SCFD2: variants seen among roughly 807,000 people sequenced by gnomAD.
The protein encoded by SCFD2 is sec1 family domain-containing protein 2.
Under a neutral mutation model 58.9 loss-of-function variants are expected in SCFD2, and 54 were observed. The ratio of observed to expected loss-of-function variants is 0.92; its 90% CI spans 0.74 to 1.15. SCFD2 has a LOEUF of 1.15. Among genes scored for constraint, SCFD2 ranks in the 50% most tolerant of loss-of-function variants. The pLI is 0.00. For synonymous variants in SCFD2, 321 were observed against 335.9 expected, an observed-to-expected ratio of 0.96 and a Z score of 0.49; for missense variants, 805 against 836.6, an observed-to-expected ratio of 0.96 and a Z score of 0.47.
chr4:53,060,044 A>T (rs1221026616), intron 5 of SCFD2, among the ~76,000 whole-genome samples: 1 of 152,136 alleles, frequency 6.6e-6, no homozygotes, highest in African/African-American at 2.4e-5. Context: ...TCATGTGCTT[A>T]CTACTGGGAA....
At chr4:53,026,843 G>A (rs889022558) in intron 5 of SCFD2, among the ~76,000 whole-genome samples, 2 of 152,118 alleles carry the variant, frequency 1.3e-5, no homozygotes, top group African/African-American at 4.8e-5. Flanking sequence ...TTCTTAAAAG[G>A]AAAAGGCAAG....
intron 5 of SCFD2, among the ~76,000 whole-genome samples, chr4:53,085,563 C>T (rs543272724): frequency 2.6e-5 from 4 of 152,144 alleles, no homozygotes; most frequent in African/African-American, 9.6e-5. Context: ...CCACAAAAGA[C>T]CAAGAATAGC....
rs1216638081 is a variant in SCFD2, at chr4:53,365,923, G to C, written c.19C>G (p.Leu7Val). The C allele has an allele frequency of 6.5e-7, 1 of 1,546,682 alleles. No homozygotes were observed. Among genetic ancestry groups the C allele is most frequent in the Non-Finnish European group, 8.7e-7 (1 of 1,150,092 alleles). MSASGV[L>V]SFTQQGWEQV... is the part of the protein sequence containing the mutation. ...TCCCATCCTTGCTGGGTAAAGGACA[G>C]TACGCCCGAGGCGCTCATGGTTGGG... Residue 7 changes from leucine to valine, a missense_variant, in exon 1 of 9, where the codon CTG becomes GTG. This residue lies in a region of SCFD2 where 155 missense variants were observed against 149.7 expected (regional missense o/e 1.04). Transcript: ENST00000401642. This position sits in a 1 kb window ranked among gnomAD's most constrained non-coding sequence, Gnocchi z 4.3.
At chr4:52,878,098 C>T (rs150072121) in intron 8 of SCFD2, among the ~76,000 whole-genome samples, 63 of 152,306 alleles carry the variant, frequency 4.1e-4, no homozygotes, top group African/African-American at 1.3e-3. Flanking sequence ...CTTCCCAGAC[C>T]ACCCCTCCCG....
intron 2 of SCFD2, among the ~76,000 whole-genome samples, chr4:53,314,336 A>G (rs985466333): frequency 6.6e-6 from 1 of 152,176 alleles, no homozygotes; most frequent in African/African-American, 2.4e-5. Context: ...GGTTGGAAGG[A>G]TGGTACTTAC....
At chr4:53,361,004 A>T (rs1345135205) in intron 1 of SCFD2, among the ~76,000 whole-genome samples, 3 of 152,168 alleles carry the variant, frequency 2.0e-5, no homozygotes, top group Non-Finnish European at 2.9e-5. Context: ...TCAACATTAA[A>T]TATTGTTTCA....
chr4:52,914,886 G>C (rs1262919365), intron 6 of SCFD2, among the ~76,000 whole-genome samples: 1 of 152,110 alleles, frequency 6.6e-6, no homozygotes, highest in Non-Finnish European at 1.5e-5. Flanking sequence ...GCTTGGTAGA[G>C]CTTAAAGAGA....
Position 53,093,747 on chromosome 4 carries a change from G to A in SCFD2, c.1561+51586C>T, listed in dbSNP as rs1724537979. The stretch of plus-strand genomic sequence containing the variant: ...CAATGCTATGATTTGTATTTTAAAA[G>A]GTAATAGAAAAAAAATATGTATTTG... On this transcript the variant is annotated intron_variant, in intron 5 of 8. Coordinates refer to ENST00000401642, the MANE Select transcript of SCFD2 (RefSeq NM_152540.4). Among the ~76,000 whole-genome samples the A allele has an allele frequency of 4.3e-5, 4 of 93,190 alleles. No individual in the cohort carries two copies. The South Asian group carries it at 1.4e-3, about 32-fold the overall frequency. 61.1% of individuals were successfully genotyped at this position (93,190 alleles called of 152,430 possible).
At chr4:53,245,259 G>C (rs1489828587) in intron 4 of SCFD2, among the ~76,000 whole-genome samples, 3 of 151,802 alleles carry the variant, frequency 2.0e-5, no homozygotes, top group Admixed American at 2.0e-4. Context: ...CAGTCCATGA[G>C]GCCCGAATTA....
chr4:53,271,766 C>A (rs1254743955), intron 4 of SCFD2, among the ~76,000 whole-genome samples: 1 of 151,972 alleles, frequency 6.6e-6, no homozygotes, highest in African/African-American at 2.4e-5. Context: ...CCCAGCCCAT[C>A]ACTTTGGATT....
chr4:53,306,168 C>G (rs1041600394), intron 3 of SCFD2, among the ~76,000 whole-genome samples: 1 of 152,024 alleles, frequency 6.6e-6, no homozygotes, highest in Non-Finnish European at 1.5e-5. Context: ...GGATACTGAA[C>G]CATAGGAAAT....
chr4:53,041,600 G>C (rs1722902544), intron 5 of SCFD2, among the ~76,000 whole-genome samples: 1 of 152,072 alleles, frequency 6.6e-6, no homozygotes, highest in South Asian at 2.1e-4. Context: ...AAAGTACTGG[G>C]TAAGGATGAG....
chr4:53,252,487 C>T (rs1217172838), intron 4 of SCFD2, among the ~76,000 whole-genome samples: 6 of 150,984 alleles, frequency 4.0e-5, no homozygotes, highest in African/African-American at 1.5e-4. Context: ...TCAAACTATA[C>T]TACAAGGCTA....
At chr4:52,908,550 C>T (rs899942631) in intron 6 of SCFD2, among the ~76,000 whole-genome samples, 1 of 152,132 alleles carries the variant, frequency 6.6e-6, no homozygotes, top group Non-Finnish European at 1.5e-5. Context: ...GAGGCATATC[C>T]TGTATTAAAC....
intron 4 of SCFD2, among the ~76,000 whole-genome samples, chr4:53,166,516 G>A (rs1427852543): frequency 5.9e-5 from 9 of 151,784 alleles, no homozygotes; most frequent in Non-Finnish European, 1.2e-4. Context: ...GAGATTGGAG[G>A]GCTCAAAGAC....
intron 5 of SCFD2, among the ~76,000 whole-genome samples, chr4:52,971,515 G>A (rs1028854801): frequency 2.0e-4 from 31 of 152,210 alleles, no homozygotes; most frequent in Admixed American, 1.4e-3. Context: ...ATGGGACTAT[G>A]TGAAAAGACC....
intron 8 of SCFD2, among the ~76,000 whole-genome samples, chr4:52,875,092 G>A (rs1220145495): frequency 6.6e-6 from 1 of 152,170 alleles, no homozygotes; most frequent in East Asian, 1.9e-4. Flanking sequence ...ACTTGTACAA[G>A]GACACACATA....
intron 5 of SCFD2, among the ~76,000 whole-genome samples, chr4:53,105,520 C>G (rs953303648): frequency 4.6e-5 from 7 of 152,200 alleles, no homozygotes; most frequent in Non-Finnish European, 8.8e-5. Flanking sequence ...TTTACCATTT[C>G]TGACACTTGA....
At chr4:53,179,859 T>A (rs1185093688) in intron 4 of SCFD2, among the ~76,000 whole-genome samples, 1 of 152,096 alleles carries the variant, frequency 6.6e-6, no homozygotes, top group Non-Finnish European at 1.5e-5. Flanking sequence ...TCCTAGTCTC[T>A]GATAAAACAG....
Sources: gnomAD v4.1 joint callset for allele counts (sites outside exome capture counted in the v4.1 genomes callset) on GRCh38, gnomAD v4.1.1 for gene constraint, gnomAD v4.1.1 regional missense constraint, Gnocchi (gnomAD v3.1) non-coding constraint, MANE v1.5 for transcripts, NCBI Gene and HGNC (gene_info 2026-07-23, HGNC 2026-07-21) for gene names.